ARHGAP21: variants seen among roughly 807,000 people sequenced by gnomAD.
ARHGAP21 encodes the protein Rho GTPase activating protein 21.
A neutral mutation model predicts 164.6 loss-of-function variants in ARHGAP21; 38 were observed. The observed-to-expected ratio is 0.23, with a 90% confidence interval of 0.18 to 0.30. The LOEUF is 0.30. Ranked by LOEUF, ARHGAP21 falls within the 10% of genes least tolerant of loss-of-function variation. ARHGAP21 has a pLI of 1.00. For missense variants in ARHGAP21, 1,822 were observed against 2,370.7 expected (o/e 0.77, Z 4.81); for synonymous variants, 766 against 857.9 (o/e 0.89, Z 1.87).
chr10:24,721,907 C>T lies in ARHGAP21; in HGVS notation c.-8G>A. 1 of 1,614,072 alleles carries T rather than the reference C, an allele frequency of 6.2e-7. No individual in the cohort carries two copies. On this transcript the variant is annotated 5_prime_UTR_variant, in exon 2 of 26. Coordinates refer to ENST00000396432, the MANE Select transcript of ARHGAP21 (RefSeq NM_020824.4). ...CCGACGCGTGGCCATCATTTCATTT[C>T]AAATGACAAAGAAGGGACAAATCCT... is the stretch of plus-strand genomic sequence containing the variant.
chr10:24,620,729 T>TA lies in ARHGAP21; in HGVS notation c.1165dup (p.Tyr389LeufsTer2). On this transcript the variant is annotated frameshift_variant, in exon 9 of 26. Transcript: ENST00000396432. LOFTEE classifies it high-confidence loss of function. The stretch of plus-strand genomic sequence containing the variant: ...ATCAATATACTCTTTGTAAGTTTTA[T>TA]AGTTTTTCCAGTCTATGTGCTGATG... 6.2e-7 allele frequency: 1 copy of TA among 1,614,220 alleles called. No individual in the cohort carries two copies. Among genetic ancestry groups the TA allele is most frequent in the Non-Finnish European group, 8.5e-7 (1 of 1,180,042 alleles).
chr10:24,689,894 ATG>A (rs1842577151), intron 2 of ARHGAP21, among the ~76,000 whole-genome samples: 1 of 143,468 alleles, frequency 7.0e-6, no homozygotes, highest in Admixed American at 7.1e-5. Flanking sequence ...ATGTATATGT[ATG>A]TGTATATATA....
At chr10:24,714,853 A>G (rs1845201299) in intron 2 of ARHGAP21, among the ~76,000 whole-genome samples, 1 of 151,748 alleles carries the variant, frequency 6.6e-6, no homozygotes, top group South Asian at 2.1e-4. Flanking sequence ...ACACGGTGAA[A>G]CCCCGTCTCT....
intron 17 of ARHGAP21, 51 bp from the exon 18 acceptor site, chr10:24,596,094 A>G: frequency 6.8e-7 from 1 of 1,463,376 alleles, no homozygotes; most frequent in East Asian, 2.4e-5. Context: ...AATGTTTAGT[A>G]GTTGTATATC....
intron 2 of ARHGAP21, among the ~76,000 whole-genome samples, chr10:24,672,057 C>G (rs1294483290): frequency 2.0e-5 from 3 of 151,832 alleles, no homozygotes; most frequent in African/African-American, 7.3e-5. Context: ...ACACACAACC[C>G]TCTCCAGCTA....
intron 2 of ARHGAP21, among the ~76,000 whole-genome samples, chr10:24,676,345 T>C (rs1841243239): frequency 1.3e-5 from 2 of 152,262 alleles, no homozygotes; most frequent in Admixed American, 1.3e-4. Context: ...AAAAGTGTAC[T>C]GCATTACTGC....
At chr10:24,685,546 A>C (rs2131939574) in intron 2 of ARHGAP21, among the ~76,000 whole-genome samples, 1 of 152,244 alleles carries the variant, frequency 6.6e-6, no homozygotes, top group South Asian at 2.1e-4. Context: ...AGTGCAACAA[A>C]CCTCTTTCTT....
intron 2 of ARHGAP21, among the ~76,000 whole-genome samples, chr10:24,683,082 C>T (rs558181533): frequency 2.8e-4 from 37 of 131,576 alleles, no homozygotes; most frequent in Admixed American, 1.6e-3. Flanking sequence ...GGCAACACAG[C>T]GAAACTCCAT....
intron 17 of ARHGAP21, 83 bp from the exon 18 acceptor site, chr10:24,596,126 T>A: frequency 8.3e-7 from 1 of 1,206,366 alleles, no homozygotes; most frequent in South Asian, 1.7e-5. Context: ...GCCCCTTTCA[T>A]CCAAAAGGAA....
intron 12 of ARHGAP21, among the ~76,000 whole-genome samples, chr10:24,603,295 G>T (rs748224908): frequency 2.0e-5 from 3 of 152,220 alleles, no homozygotes; most frequent in Non-Finnish European, 4.4e-5. Flanking sequence ...AGTGTTTCAG[G>T]AAGGGAGCCA....
chr10:24,701,451 T>C (rs1843663918), intron 2 of ARHGAP21, among the ~76,000 whole-genome samples: 2 of 152,188 alleles, frequency 1.3e-5, no homozygotes, highest in African/African-American at 4.8e-5. Flanking sequence ...AATGGCATGA[T>C]TGTTTTTCCC....
Position 24,585,286 on chromosome 10 carries a change from T to C in ARHGAP21, c.5003A>G (p.Asn1668Ser). The change falls in exon 26 of 26, where the codon AAT becomes AGT. Residue 1668 changes from asparagine to serine, a missense_variant. This residue lies in a region of ARHGAP21 where 117 missense variants were observed against 193.2 expected (regional missense o/e 0.61). Coordinates refer to ENST00000396432, the MANE Select transcript of ARHGAP21 (RefSeq NM_020824.4). ...GCAACTTAATTCACTTCCTTCAGAA[T>C]TTCTCCGGCTGCTCTTAGTCACTTC... ...LQEVTKSSRR[N>S]SEGSELSCTE... is the part of the protein sequence containing the mutation. 2 of 1,609,178 alleles carry C rather than the reference T, an allele frequency of 1.2e-6. No homozygotes were observed. Among genetic ancestry groups the C allele is most frequent in the Non-Finnish European group, 1.7e-6 (2 of 1,179,522 alleles).
intron 4 of ARHGAP21, among the ~76,000 whole-genome samples, chr10:24,665,678 T>G (rs1840120126): frequency 6.6e-6 from 1 of 152,212 alleles, no homozygotes; most frequent in Non-Finnish European, 1.5e-5. Context: ...TTAATTGGGA[T>G]AGTGATTTCA....
At chr10:24,648,940 G>A (rs1179076914) in intron 4 of ARHGAP21, 1 of 799,638 alleles carries the variant, frequency 1.3e-6, no homozygotes, top group Non-Finnish European at 1.5e-6. Flanking sequence ...CTGTCCACTA[G>A]AGAAAAACAA....
chr10:24,687,459 C>T (rs190238852), intron 2 of ARHGAP21, among the ~76,000 whole-genome samples: 1 of 152,280 alleles, frequency 6.6e-6, no homozygotes, highest in Admixed American at 6.5e-5. Flanking sequence ...TTCCTTATTT[C>T]TCCATTTTCC....
At chr10:24,615,526 A>G (rs970842081) in intron 9 of ARHGAP21, among the ~76,000 whole-genome samples, 4 of 152,236 alleles carry the variant, frequency 2.6e-5, no homozygotes, top group African/African-American at 4.8e-5. Context: ...GATTTAAAAA[A>G]GTAAAATCCA....
Position 24,585,819 on chromosome 10 carries a change from C to T in ARHGAP21, c.4470G>A (p.Lys1490=). 1.2e-6 allele frequency: 2 copies of T among 1,613,904 alleles called. No homozygotes were observed. The highest frequency in any genetic ancestry group is 1.7e-6 in the Non-Finnish European group (2 of 1,179,860). ...GCGTGCTCTCTTTTCCTAGTGATAT[C>T]TTTTCATCTTTTGTCGTGCTGGGGT... ...RKDPSTTKDE[K]ISLGKESTPS... The change falls in exon 26 of 26, where the codon AAG becomes AAA. Residue 1490 remains lysine, a synonymous_variant. Coordinates refer to ENST00000396432, the MANE Select transcript of ARHGAP21 (RefSeq NM_020824.4).
Position 24,722,063 on chromosome 10 carries a change from A to T in ARHGAP21, c.-164T>A, listed in dbSNP as rs976995497. ...TGCCAGGGAATAAAGGTTTTCAGGA[A>T]GCGCCTTCAAATGCCTCGCTGATTT... On this transcript the variant is annotated 5_prime_UTR_variant, in exon 2 of 26. Coordinates refer to ENST00000396432, the MANE Select transcript of ARHGAP21 (RefSeq NM_020824.4). 3.0e-5 allele frequency: 21 copies of T among 698,698 alleles called. No homozygotes were observed. The highest frequency in any genetic ancestry group is 1.8e-4 in the South Asian group (10 of 57,110). The allele number at this position is 698,698 out of a possible 1,614,324, so 43.3% of individuals were successfully genotyped here. A position where few individuals can be genotyped will look rare whatever the true frequency, so the allele number is the denominator to read the frequency against.
intron 11 of ARHGAP21, 72 bp from the exon 12 acceptor site, chr10:24,604,420 A>C: frequency 9.9e-7 from 1 of 1,014,970 alleles, no homozygotes; most frequent in Non-Finnish European, 1.5e-6. Flanking sequence ...GAATAATTTG[A>C]ATATTACAAT....
Sources: gnomAD v4.1 joint callset for allele counts (sites outside exome capture counted in the v4.1 genomes callset) on GRCh38, gnomAD v4.1.1 for gene constraint, gnomAD v4.1.1 regional missense constraint, MANE v1.5 for transcripts, NCBI Gene and HGNC (gene_info 2026-07-23, HGNC 2026-07-21) for gene names.